The following SCAPER variants were observed in gnomAD, a reference collection of about 807,000 sequenced individuals.
The protein encoded by SCAPER is S-phase cyclin A associated protein in the ER.
A neutral mutation model predicts 182.2 loss-of-function variants in SCAPER; 98 were observed. The ratio of observed to expected loss-of-function variants is 0.54; its 90% CI spans 0.46 to 0.64. The LOEUF (loss-of-function observed/expected upper bound fraction) is 0.64. Among genes scored for constraint, SCAPER ranks in the 30% least tolerant of loss-of-function variants. The pLI, the probability that SCAPER is intolerant of heterozygous loss-of-function variation, is 0.00. For missense variants in SCAPER, 1,432 were observed against 1,690.0 expected, an observed-to-expected ratio of 0.85 and a Z score of 2.68; for synonymous variants, 605 against 564.6, an observed-to-expected ratio of 1.07 and a Z score of -1.01.
intron 22 of SCAPER, among the ~76,000 whole-genome samples, chr15:76,605,323 G>A (rs141058188): frequency 0.49 from 74,474 of 151,082 alleles, 19,185 homozygotes; most frequent in Middle Eastern, 0.65. Flanking sequence ...GCTGGATTAT[G>A]TTTATTGATT....
chr15:76,826,910 G>C (rs1465475327), intron 5 of SCAPER, among the ~76,000 whole-genome samples: 3 of 152,132 alleles, frequency 2.0e-5, no homozygotes, highest in Non-Finnish European at 4.4e-5. Flanking sequence ...AAAATGGCTA[G>C]ATTATATGAT....
At chr15:76,729,951 T>C (rs943318058) in intron 16 of SCAPER, among the ~76,000 whole-genome samples, 1 of 152,144 alleles carries the variant, frequency 6.6e-6, no homozygotes, top group African/African-American at 2.4e-5. Flanking sequence ...CTCTCCTCTA[T>C]AATTAATGGA....
intron 25 of SCAPER, among the ~76,000 whole-genome samples, chr15:76,451,423 A>G (rs1460728376): frequency 6.6e-6 from 1 of 152,214 alleles, no homozygotes; most frequent in Admixed American, 6.5e-5. Flanking sequence ...TGTTTATAAG[A>G]AACTGCCAAA....
chr15:76,724,273 T>C (rs184369108), intron 17 of SCAPER, among the ~76,000 whole-genome samples: 44 of 152,262 alleles, frequency 2.9e-4, no homozygotes, highest in African/African-American at 8.9e-4. Context: ...TTCTGGCTTA[T>C]AGAGTTTCTG....
chr15:76,470,710 C>T (rs1209280964), intron 25 of SCAPER, among the ~76,000 whole-genome samples: 1 of 152,158 alleles, frequency 6.6e-6, no homozygotes, highest in African/African-American at 2.4e-5. Flanking sequence ...TGAAAATTGG[C>T]TGCTTGTTCC....
intron 25 of SCAPER, among the ~76,000 whole-genome samples, chr15:76,452,497 GT>G (rs2048437952): frequency 5.3e-5 from 8 of 152,316 alleles, no homozygotes; most frequent in Middle Eastern, 6.8e-3. Context: ...TATGAGTTAG[GT>G]GTTTTAGAAA....
At chr15:76,799,974 A>G (rs1258081978) in intron 7 of SCAPER, among the ~76,000 whole-genome samples, 1 of 151,656 alleles carries the variant, frequency 6.6e-6, no homozygotes, top group African/African-American at 2.4e-5. Context: ...AAGTCAGCAT[A>G]TGACTCACCA....
At chr15:76,853,250 C>T (rs2070956415) in intron 4 of SCAPER, among the ~76,000 whole-genome samples, 1 of 152,094 alleles carries the variant, frequency 6.6e-6, no homozygotes, top group Non-Finnish European at 1.5e-5. Context: ...ACCAGATATA[C>T]AAAGAAAAGC....
chr15:76,619,772 T>C (rs1325301523), intron 22 of SCAPER, among the ~76,000 whole-genome samples: 1 of 152,096 alleles, frequency 6.6e-6, no homozygotes, highest in Non-Finnish European at 1.5e-5. Flanking sequence ...ATCCTTCACA[T>C]TTCCTCTTAA....
chr15:76,825,738 G>GT (rs1330784478), intron 5 of SCAPER, among the ~76,000 whole-genome samples: 3 of 151,932 alleles, frequency 2.0e-5, no homozygotes, highest in Non-Finnish European at 2.9e-5. Flanking sequence ...AAGAAGATCT[G>GT]TTTTTTCTTT....
intron 15 of SCAPER, among the ~76,000 whole-genome samples, chr15:76,745,605 A>G (rs2061755259): frequency 6.6e-6 from 1 of 152,238 alleles, no homozygotes; most frequent in South Asian, 2.1e-4. Flanking sequence ...TAAAAGAACT[A>G]TAAATGGTAG....
chr15:76,393,313 A>C (rs1365421507), intron 27 of SCAPER, among the ~76,000 whole-genome samples: 1 of 152,212 alleles, frequency 6.6e-6, no homozygotes, highest in Non-Finnish European at 1.5e-5. Flanking sequence ...TGAAATACTC[A>C]GCTCAGGGTG....
intron 25 of SCAPER, among the ~76,000 whole-genome samples, chr15:76,449,949 G>C (rs2048262972): frequency 6.6e-6 from 1 of 152,212 alleles, no homozygotes; most frequent in African/African-American, 2.4e-5. Context: ...TCAAGGGCCA[G>C]ACAGTAAATA....
chr15:76,660,230 C>T lies in SCAPER; in HGVS notation c.2645+5423G>A, dbSNP rs1171714165. ...AGAAGGAAACATCAGACACTGGGGC[C>T]TACTTGAGGATGGAGGGTGCAAGGA... On this transcript the variant is annotated intron_variant, in intron 21 of 31. Coordinates refer to ENST00000563290, the MANE Select transcript of SCAPER (RefSeq NM_020843.4). Among the ~76,000 whole-genome samples the T allele has an allele frequency of 1.2e-4, 18 of 152,030 alleles. 1 individual carries two copies. The highest frequency in any genetic ancestry group is 1.2e-3 in the Admixed American group (18 of 15,256).
At chr15:76,866,822 T>C (rs2072333756) in intron 2 of SCAPER, among the ~76,000 whole-genome samples, 1 of 152,200 alleles carries the variant, frequency 6.6e-6, no homozygotes, top group Admixed American at 6.5e-5. Flanking sequence ...AATAGATGTC[T>C]ATTTCAAACA....
intron 26 of SCAPER, among the ~76,000 whole-genome samples, chr15:76,422,090 G>T (rs2046087106): frequency 6.6e-6 from 1 of 152,188 alleles, no homozygotes; most frequent in South Asian, 2.1e-4. Flanking sequence ...GCTTAGGATT[G>T]TCTTGGCAAT....
At chr15:76,709,444 T>C (rs2059446773) in intron 17 of SCAPER, among the ~76,000 whole-genome samples, 1 of 152,068 alleles carries the variant, frequency 6.6e-6, no homozygotes, top group Admixed American at 6.6e-5. Flanking sequence ...AAGAACTTTA[T>C]AACAAGTAGA....
chr15:76,413,151 C>T (rs1319452492), intron 26 of SCAPER, among the ~76,000 whole-genome samples: 1 of 152,020 alleles, frequency 6.6e-6, no homozygotes, highest in Non-Finnish European at 1.5e-5. Context: ...ACATAGTTTT[C>T]TATACGTGCA....
chr15:76,744,694 T>A (rs12440835), intron 15 of SCAPER, among the ~76,000 whole-genome samples: 57,857 of 152,010 alleles, frequency 0.38, 13,062 homozygotes, highest in Middle Eastern at 0.53. Flanking sequence ...GGAATGTAAA[T>A]TAGTTCAGCC....
Sources: allele counts gnomAD v4.1 joint callset (sites outside exome capture counted in the v4.1 genomes callset), GRCh38; gene constraint gnomAD v4.1.1; transcripts MANE v1.5; gene names NCBI Gene and HGNC (gene_info 2026-07-23, HGNC 2026-07-21).